Variants in TNN observed in about 807,000 individuals in gnomAD.
TNN encodes the protein tenascin N.
Under a neutral mutation model 134.4 loss-of-function variants are expected in TNN, and 122 were observed. The ratio of observed to expected loss-of-function variants is 0.91; its 90% CI spans 0.78 to 1.06. The LOEUF (loss-of-function observed/expected upper bound fraction) is 1.06, where lower values mean the gene tolerates loss of function less well. Ranked by LOEUF, TNN falls within the 50% of genes least tolerant of loss-of-function variation. The pLI, the probability that TNN is intolerant of heterozygous loss-of-function variation, is 0.00. For synonymous variants in TNN, 710 were observed against 670.3 expected, an observed-to-expected ratio of 1.06 and a Z score of -0.91; for missense variants, 1,739 against 1,699.4, an observed-to-expected ratio of 1.02 and a Z score of -0.41.
chr1:175,080,543 C>A, intron 4 of TNN, 117 bp downstream of exon 4: 1 of 1,250,938 alleles, frequency 8.0e-7, no homozygotes, highest in East Asian at 2.3e-5. Flanking sequence ...ACACACCTGC[C>A]ACAATCCTAG....
rs535186305 is a variant in TNN at position 175,137,844 on chromosome 1, G to A, written c.3595+856G>A. Among the ~76,000 whole-genome samples, 43 of 152,132 alleles carry A rather than the reference G, an allele frequency of 2.8e-4. 1 individual carries two copies. Among genetic ancestry groups the A allele is most frequent in the South Asian group, 6.2e-4 (3 of 4,820 alleles). ...ACTGACCGACTGTATAAGACATGGC[G>A]GTCTCTCTCCTTAGACTTAAATGTA... is the stretch of plus-strand genomic sequence containing the variant. On this transcript the variant is annotated intron_variant, in intron 17 of 18. Coordinates refer to ENST00000239462, the MANE Select transcript of TNN (RefSeq NM_022093.2).
chr1:175,100,784 C>T (rs565243193), intron 9 of TNN, among the ~76,000 whole-genome samples: 279 of 151,048 alleles, frequency 1.8e-3, no homozygotes, highest in Non-Finnish European at 3.0e-3. Context: ...TATAATGTAT[C>T]AACAAACTGG....
chr1:175,141,323 C>CCAAT (rs1234798774), intron 17 of TNN, among the ~76,000 whole-genome samples: 1 of 152,134 alleles, frequency 6.6e-6, no homozygotes, highest in African/African-American at 2.4e-5. Flanking sequence ...CTAGGGCTAA[C>CCAAT]CAATGATTTA....
intron 13 of TNN, 146 bp from the exon 14 acceptor site, chr1:175,127,885 TG>T: frequency 1.1e-6 from 1 of 882,450 alleles, no homozygotes; most frequent in Non-Finnish European, 1.8e-6. Flanking sequence ...ACTGCGATTC[TG>T]GGCTGCCACT....
intron 10 of TNN, among the ~76,000 whole-genome samples, chr1:175,118,099 T>C (rs768161857): frequency 3.3e-5 from 5 of 152,230 alleles, no homozygotes; most frequent in Non-Finnish European, 5.9e-5. Flanking sequence ...TGCTGCCCTC[T>C]TCCTCCAGGG....
At chr1:175,071,458 C>T (rs994677397) in intron 1 of TNN, among the ~76,000 whole-genome samples, 2 of 152,184 alleles carry the variant, frequency 1.3e-5, no homozygotes, top group African/African-American at 2.4e-5. Flanking sequence ...GGGAATTCTC[C>T]AGCTTCTCAT....
intron 1 of TNN, among the ~76,000 whole-genome samples, chr1:175,076,472 G>C (rs1354152767): frequency 1.3e-5 from 2 of 152,216 alleles, no homozygotes; most frequent in African/African-American, 4.8e-5. Context: ...CCAGGTCAAC[G>C]CTCAAGAGAC....
chr1:175,095,494 A>C (rs148213349), intron 7 of TNN, among the ~76,000 whole-genome samples: 4 of 152,212 alleles, frequency 2.6e-5, no homozygotes, highest in Admixed American at 1.3e-4. Context: ...CCTGGTTTAC[A>C]TTACACGTGA....
At position 175,117,091 on chromosome 1, in the gene TNN, G is replaced by T; in HGVS notation, c.2272G>T (p.Glu758Ter). ...GACCAGGGAGGTTCCGGTGGGGAAGGAGCAGAGTAGCACTGTCCTGACGGG... is the reference window on the plus strand; with the variant it reads ...GACCAGGGAGGTTCCGGTGGGGAAGTAGCAGAGTAGCACTGTCCTGACGGG... ...GETREVPVGK[E>*]QSSTVLTGLR... Residue 758 changes from glutamate (E) to a stop codon, truncating the protein, a stop_gained, in exon 10 of 19, where the codon GAG (glutamate) becomes TAG (stop). Transcript: ENST00000239462. LOFTEE classifies it high-confidence loss of function. The T allele has an allele frequency of 6.2e-7, 1 of 1,614,264 alleles. No homozygotes were observed. The highest frequency in any genetic ancestry group is 8.5e-7 in the Non-Finnish European group (1 of 1,180,058).
intron 17 of TNN, 53 bp from the exon 18 acceptor site, chr1:175,144,334 A>G: frequency 1.3e-6 from 2 of 1,560,728 alleles, no homozygotes; most frequent in Non-Finnish European, 1.7e-6. Context: ...TCTTTTGATC[A>G]TCTCCTCGGT....
intron 15 of TNN, among the ~76,000 whole-genome samples, 185 bp from the exon 16 acceptor site, chr1:175,135,660 G>T (rs4651324): frequency 0.88 from 133,813 of 152,266 alleles, 59,006 homozygotes; most frequent in African/African-American, 0.91. Flanking sequence ...GGCATACTAC[G>T]GTACATATAA....
At chr1:175,075,487 G>C (rs1240802737) in intron 1 of TNN, among the ~76,000 whole-genome samples, 2 of 152,044 alleles carry the variant, frequency 1.3e-5, no homozygotes, top group Non-Finnish European at 2.9e-5. Flanking sequence ...AGTAGAGAAA[G>C]GTTTCACCAT....
intron 7 of TNN, among the ~76,000 whole-genome samples, chr1:175,095,403 G>A (rs189064379): frequency 2.6e-5 from 4 of 152,322 alleles, no homozygotes; most frequent in Admixed American, 6.5e-5. Context: ...AAATGGACTG[G>A]TGTGACTGTG....
chr1:175,108,949 G>C (rs1197342523), intron 9 of TNN, among the ~76,000 whole-genome samples: 1 of 152,110 alleles, frequency 6.6e-6, no homozygotes, highest in Non-Finnish European at 1.5e-5. Context: ...TGCTGCCAAA[G>C]TGGGAGCCCA....
Position 175,146,977 on chromosome 1 carries a change from A to G in TNN, c.3806A>G (p.Tyr1269Cys), listed in dbSNP as rs1316038351. 6.3e-7 allele frequency: 1 copy of G among 1,584,714 alleles called. No individual in the cohort carries two copies. Among genetic ancestry groups the G allele is most frequent in the Non-Finnish European group, 8.6e-7 (1 of 1,167,856 alleles). The change falls in exon 19 of 19, where the codon TAC becomes TGC. Residue 1269 changes from tyrosine to cysteine, a missense_variant. Physicochemically the swap from Tyr to Cys is radical, Grantham distance 194. Coordinates refer to ENST00000239462, the MANE Select transcript of TNN (RefSeq NM_022093.2). ...PWKGHEFSIP[Y>C]VELKIRPHGY... ...AAAGGACATGAATTCTCCATTCCTTACGTGGAGTTGAAAATCCGCCCTCAT... is the reference window on the plus strand; with the variant it reads ...AAAGGACATGAATTCTCCATTCCTTGCGTGGAGTTGAAAATCCGCCCTCAT...
intron 16 of TNN, 54 bp downstream of exon 16, chr1:175,135,995 A>T: frequency 7.5e-7 from 1 of 1,339,422 alleles, no homozygotes; most frequent in Non-Finnish European, 1.1e-6. Flanking sequence ...TTCTCCCAGG[A>T]CAAGCTAGCT....
At chr1:175,091,192 A>G (rs1297202732) in intron 6 of TNN, among the ~76,000 whole-genome samples, 1 of 152,108 alleles carries the variant, frequency 6.6e-6, no homozygotes, top group Non-Finnish European at 1.5e-5. Flanking sequence ...CCATCGGGGG[A>G]ATGGTCAAGG....
chr1:175,081,751 G>A (rs1674202411), intron 4 of TNN, among the ~76,000 whole-genome samples: 1 of 151,404 alleles, frequency 6.6e-6, no homozygotes, highest in South Asian at 2.1e-4. Context: ...GGACCATAGA[G>A]GTATCTCAGT....
intron 1 of TNN, among the ~76,000 whole-genome samples, chr1:175,072,476 C>T (rs1000532084): frequency 1.3e-5 from 2 of 152,208 alleles, no homozygotes; most frequent in South Asian, 4.1e-4. Flanking sequence ...TATCATCCTG[C>T]GTTTTGCTCA....
Sources: allele counts gnomAD v4.1 joint callset (sites outside exome capture counted in the v4.1 genomes callset), GRCh38; gene constraint gnomAD v4.1.1; transcripts MANE v1.5; gene names NCBI Gene and HGNC (gene_info 2026-07-23, HGNC 2026-07-21).